Variants in ZFYVE21 observed in about 807,000 individuals in gnomAD.
The protein encoded by ZFYVE21 is zinc finger FYVE domain-containing protein 21.
ZFYVE21 carries 21 observed loss-of-function variants against 29.5 expected under a neutral mutation model. That is an observed-to-expected ratio of 0.71 (90% CI 0.50 to 1.02). ZFYVE21 has a LOEUF of 1.02. Among genes scored for constraint, ZFYVE21 ranks in the 50% least tolerant of loss-of-function variants. ZFYVE21 has a pLI of 0.00. For missense variants in ZFYVE21, 326 were observed against 335.4 expected (o/e 0.97, Z 0.22); for synonymous variants, 151 against 133.8 (o/e 1.13, Z -0.89).
At chr14:103,720,978 A>G (rs574942792) in intron 1 of ZFYVE21, among the ~76,000 whole-genome samples, 3 of 152,062 alleles carry the variant, frequency 2.0e-5, no homozygotes, top group South Asian at 2.1e-4. Flanking sequence ...ACCCGCCACC[A>G]CGCCCAGCTA....
At chr14:103,726,583 T>C in intron 1 of ZFYVE21, 1 of 625,990 alleles carries the variant, frequency 1.6e-6, no homozygotes, top group Non-Finnish European at 2.8e-6. Context: ...CCCGCAGGCC[T>C]GGGAGCAGCC....
intron 1 of ZFYVE21, chr14:103,725,995 G>C (rs941043743): frequency 6.6e-6 from 1 of 152,268 alleles, no homozygotes; most frequent in African/African-American, 2.4e-5. Flanking sequence ...GTCTACCTTT[G>C]TACATTCTGT....
At chr14:103,729,290 T>C (rs2083954831) in intron 5 of ZFYVE21, 108 bp downstream of exon 5, 3 of 1,093,470 alleles carry the variant, frequency 2.7e-6, no homozygotes, top group African/African-American at 1.6e-5. Flanking sequence ...AGGAGTGGGG[T>C]CTGCTGGGTT....
rs969621690 is a variant in ZFYVE21, at chr14:103,716,354, G to T, written c.138+375G>T. On this transcript the variant is annotated intron_variant, in intron 1 of 6. Coordinates refer to ENST00000311141, the MANE Select transcript of ZFYVE21 (RefSeq NM_024071.4). This position sits in a 1 kb window ranked among gnomAD's most constrained non-coding sequence, Gnocchi z 4.8. The stretch of plus-strand genomic sequence containing the variant: ...GACTGCGTCCCGAGAGCTGGGGCTC[G>T]CTCCCGAGAAAGTGGAAGGCGGAGC... Among the ~76,000 whole-genome samples the T allele has an allele frequency of 2.0e-5, 3 of 152,150 alleles. No homozygotes were observed. Among genetic ancestry groups the T allele is most frequent in the African/African-American group, 7.2e-5 (3 of 41,450 alleles).
At chr14:103,721,556 G>A (rs1420177109) in intron 1 of ZFYVE21, among the ~76,000 whole-genome samples, 4 of 152,222 alleles carry the variant, frequency 2.6e-5, no homozygotes, top group African/African-American at 9.6e-5. Context: ...CTCCTGGAGA[G>A]CACTTGGGCC....
intron 1 of ZFYVE21, among the ~76,000 whole-genome samples, chr14:103,724,087 G>A (rs28699186): frequency 0.035 from 5,349 of 152,306 alleles, 309 homozygotes; most frequent in African/African-American, 0.12. Context: ...GAGGATCAGG[G>A]TGGGGTGATG....
intron 1 of ZFYVE21, among the ~76,000 whole-genome samples, chr14:103,721,455 C>T (rs996039998): frequency 5.9e-5 from 9 of 152,354 alleles, no homozygotes; most frequent in Admixed American, 1.3e-4. Flanking sequence ...AAGGTGGCCA[C>T]GGAGGCCTCC....
chr14:103,721,488 C>T (rs1024634688), intron 1 of ZFYVE21, among the ~76,000 whole-genome samples: 5 of 152,238 alleles, frequency 3.3e-5, no homozygotes, highest in South Asian at 2.1e-4. Context: ...TGCCAGGCGC[C>T]CCAGAGAGGC....
chr14:103,729,949 T>C (rs893373345), intron 5 of ZFYVE21: 21 of 1,307,538 alleles, frequency 1.6e-5, no homozygotes, highest in Middle Eastern at 1.9e-4. Context: ...CAAGGTTCTT[T>C]GTGAAACCTG....
Position 103,715,833 on chromosome 14 carries a change from G to A in ZFYVE21, c.-9G>A, listed in dbSNP as rs1015550616. 3.6e-6 allele frequency: 5 copies of A among 1,392,954 alleles called. No individual in the cohort carries two copies. The highest frequency in any genetic ancestry group is 2.6e-5 in the Admixed American group (1 of 38,252). The allele number at this position is 1,392,954 out of a possible 1,614,324, so 86.3% of individuals were successfully genotyped here. ...GCGGGGCCGCTGGCCGAGAGGCTGA[G>A]GCGGCGTCATGTCCTCCGAGGTGTC... On this transcript the variant is annotated 5_prime_UTR_variant, in exon 1 of 7. Transcript: ENST00000311141.
rs2083993850 is a variant in ZFYVE21, at chr14:103,732,648, C to T, written c.555C>T (p.Phe185=). 6.2e-7 allele frequency: 1 copy of T among 1,603,528 alleles called. No homozygotes were observed. The highest frequency in any genetic ancestry group is 2.2e-5 in the East Asian group (1 of 44,786). The change falls in exon 6 of 7, where the codon TTC becomes TTT. Residue 185 remains phenylalanine (F), a synonymous_variant. Coordinates refer to ENST00000311141, the MANE Select transcript of ZFYVE21 (RefSeq NM_024071.4). ...GGGNARATGM[F]LQYTVPGTEG... ...GCAACGCACGGGCCACAGGCATGTT[C>T]CTGCAGTATACAGTGCCGGGGACGG...
chr14:103,732,810 A>G, intron 6 of ZFYVE21, 48 bp downstream of exon 6: 1 of 1,602,400 alleles, frequency 6.2e-7, no homozygotes, highest in Non-Finnish European at 8.5e-7. Context: ...CTTAGACAAA[A>G]GCTTGCCTTT....
chr14:103,726,560 G>A (rs535895412), intron 1 of ZFYVE21: 10 of 549,066 alleles, frequency 1.8e-5, no homozygotes, highest in African/African-American at 7.7e-5. Flanking sequence ...CCATGGTTAC[G>A]CTGGGTGCAT....
At chr14:103,729,515 A>G (rs1384554913) in intron 5 of ZFYVE21, 4 of 576,838 alleles carry the variant, frequency 6.9e-6, no homozygotes, top group Non-Finnish European at 1.2e-5. Flanking sequence ...AATAACTGAG[A>G]TCCCCAAAAA....
At chr14:103,724,620 G>C (rs2083903145) in intron 1 of ZFYVE21, 1 of 152,206 alleles carries the variant, frequency 6.6e-6, no homozygotes, top group Admixed American at 6.5e-5. Context: ...TCTCTTTTGA[G>C]GATTATTGTG....
At position 103,716,805 on chromosome 14, in the gene ZFYVE21, C is replaced by A. The variant is rs1401555480; in HGVS notation, c.138+826C>A. Among the ~76,000 whole-genome samples, 1 of 152,200 alleles carries A rather than the reference C, an allele frequency of 6.6e-6. No homozygotes were observed. Among genetic ancestry groups the A allele is most frequent in the Non-Finnish European group, 1.5e-5 (1 of 68,040 alleles). ...CGGAGGTGCCTTTGCCTCACACCAG[C>A]CCCTTGGCCAACTGGGAAGGCCCCG... On this transcript the variant is annotated intron_variant, in intron 1 of 6. Transcript: ENST00000311141. The surrounding 1 kb of genome is among the most constrained non-coding windows in gnomAD (Gnocchi z 4.8).
At chr14:103,718,354 A>G (rs2083845462) in intron 1 of ZFYVE21, among the ~76,000 whole-genome samples, 1 of 152,212 alleles carries the variant, frequency 6.6e-6, no homozygotes, top group Non-Finnish European at 1.5e-5. Flanking sequence ...GTTTGGGCCC[A>G]TGAGGGTTAT....
rs748367908 is a variant in ZFYVE21 at position 103,726,758 on chromosome 14, G to A, written c.139-34G>A. The A allele has an allele frequency of 9.9e-6, 16 of 1,613,386 alleles. No homozygotes were observed. In the East Asian group the frequency reaches 1.8e-4, roughly 18 times the overall value. ...CCCCAGCGACGTGGTGAGTGACCAA[G>A]CTGCGTTTTAACGCTTTGTCGTGTC... On this transcript the variant is annotated intron_variant, in intron 1 of 6. Coordinates refer to ENST00000311141, the MANE Select transcript of ZFYVE21 (RefSeq NM_024071.4).
chr14:103,730,002 A>G (rs1393470544), intron 5 of ZFYVE21: 2 of 813,150 alleles, frequency 2.5e-6, no homozygotes, highest in African/African-American at 1.7e-5. Flanking sequence ...GTTGGATCTG[A>G]TAAGTGGGTT....
Sources: gnomAD v4.1 joint callset for allele counts (sites outside exome capture counted in the v4.1 genomes callset) on GRCh38, gnomAD v4.1.1 for gene constraint, Gnocchi (gnomAD v3.1) non-coding constraint, MANE v1.5 for transcripts, NCBI Gene and HGNC (gene_info 2026-07-23, HGNC 2026-07-21) for gene names.